Variants in GABRA3 observed in about 807,000 individuals in gnomAD.
GABRA3 encodes the protein gamma-aminobutyric acid receptor subunit alpha-3.
GABRA3 carries 10 observed loss-of-function variants against 30.1 expected under a neutral mutation model. The observed-to-expected ratio is 0.33, with a 90% CI of 0.20 to 0.56. The LOEUF (loss-of-function observed/expected upper bound fraction) is 0.56, where lower values mean the gene tolerates loss of function less well. GABRA3 is among the 20% of genes least tolerant of loss of function. GABRA3 has a pLI of 0.89. For synonymous variants in GABRA3, 151 were observed against 146.8 expected (o/e 1.03, Z -0.21); for missense variants, 233 against 392.0 (o/e 0.59, Z 3.42).
At chrX:152,260,552 T>A (rs1938712622) in intron 4 of GABRA3, among the ~76,000 whole-genome samples, 1 of 111,752 alleles carries the variant, frequency 8.9e-6, no homozygotes, top group South Asian at 3.8e-4. Context: ...AGAGACTTAA[T>A]TTGTTTGAAA....
At chrX:152,424,332 T>G (rs1346041557) in intron 1 of GABRA3, among the ~76,000 whole-genome samples, 1 of 110,000 alleles carries the variant, frequency 9.1e-6, no homozygotes, top group Non-Finnish European at 1.9e-5. Flanking sequence ...TCTCTTCACA[T>G]TGTTCACCAC....
intron 6 of GABRA3, among the ~76,000 whole-genome samples, chrX:152,217,237 ATAT>A (rs1447554048): frequency 9.0e-6 from 1 of 111,022 alleles, no homozygotes; most frequent in Non-Finnish European, 1.9e-5. Flanking sequence ...TTAATATGTC[ATAT>A]TAGGTTGAAT....
chrX:152,362,007 G>A (rs1174761255), intron 2 of GABRA3, among the ~76,000 whole-genome samples: 1 of 111,209 alleles, frequency 9.0e-6, no homozygotes. Context: ...AATACATGAG[G>A]AGTTAACAAA....
intron 6 of GABRA3, among the ~76,000 whole-genome samples, chrX:152,215,837 C>T (rs1462589034): frequency 5.4e-5 from 6 of 110,839 alleles, no homozygotes; most frequent in East Asian, 2.8e-4. Flanking sequence ...AAAATATTTT[C>T]GAAGTATACA....
intron 5 of GABRA3, among the ~76,000 whole-genome samples, chrX:152,237,268 C>T (rs1372513555): frequency 1.8e-5 from 2 of 110,382 alleles, no homozygotes; most frequent in Non-Finnish European, 3.8e-5. Flanking sequence ...TTCCCCATTT[C>T]TTGTTTTTCT....
At position 152,233,763 on chromosome X, in the gene GABRA3, A is replaced by G. The variant is rs1410126527; in HGVS notation, c.552-8918T>C. Reference sequence around the variant, plus strand: ...CATGCACACGTATGTTTATTGCGGCATTATTCACAATAGCAAAGACTTGGA... The same window carrying G: ...CATGCACACGTATGTTTATTGCGGCGTTATTCACAATAGCAAAGACTTGGA... On this transcript the variant is annotated intron_variant, in intron 5 of 9. Transcript: ENST00000370314. Among the ~76,000 whole-genome samples, 7 of 104,605 alleles carry G rather than the reference A, an allele frequency of 6.7e-5. 1 individual carries two copies. In the South Asian group the frequency reaches 3.2e-3, roughly 48 times the overall value. The allele number at this position is 104,605 out of a possible 115,157, so 90.8% of individuals were successfully genotyped here. A position where few individuals can be genotyped will look rare whatever the true frequency, so the allele number is the denominator to read the frequency against.
intron 3 of GABRA3, among the ~76,000 whole-genome samples, chrX:152,331,594 C>T (rs1172463249): frequency 3.6e-5 from 4 of 111,920 alleles, no homozygotes; most frequent in Non-Finnish European, 5.6e-5. Context: ...TAATTTCATA[C>T]CAGCCAGCTA....
intron 2 of GABRA3, among the ~76,000 whole-genome samples, chrX:152,347,149 C>A: frequency 1.8e-5 from 2 of 111,966 alleles, no homozygotes; most frequent in Admixed American, 1.9e-4. Context: ...CACTGGAGTA[C>A]TATTCAGTCA....
At chrX:152,222,923 A>C (rs1471183810) in intron 6 of GABRA3, among the ~76,000 whole-genome samples, 2 of 109,677 alleles carry the variant, frequency 1.8e-5, no homozygotes, top group African/African-American at 6.6e-5. Flanking sequence ...AACTTTTTTC[A>C]TATTAGCTTT....
At chrX:152,295,172 C>G (rs1939503747) in intron 3 of GABRA3, among the ~76,000 whole-genome samples, 1 of 112,468 alleles carries the variant, frequency 8.9e-6, no homozygotes, top group Non-Finnish European at 1.9e-5. Context: ...CTTGAGGAGG[C>G]AGTCTGTCCA....
intron 1 of GABRA3, among the ~76,000 whole-genome samples, chrX:152,371,545 A>T (rs1381434565): frequency 9.0e-6 from 1 of 110,878 alleles, no homozygotes; most frequent in African/African-American, 3.3e-5. Context: ...ATACTGGCTC[A>T]TTCCTTGCAG....
chrX:152,232,407 C>G (rs771837921), intron 5 of GABRA3, among the ~76,000 whole-genome samples: 142 of 109,426 alleles, frequency 1.3e-3, no homozygotes, highest in Non-Finnish European at 2.3e-3. Flanking sequence ...CTTCCCTCAC[C>G]CCTTCCTACT....
chrX:152,277,301 A>G (rs1045834912), intron 4 of GABRA3, among the ~76,000 whole-genome samples: 1 of 111,144 alleles, frequency 9.0e-6, no homozygotes, highest in Non-Finnish European at 1.9e-5. Flanking sequence ...TACTAGGATA[A>G]TGGCATAATT....
In GABRA3 at chrX:152,182,224, G is replaced by A. The variant is rs974128886; in HGVS notation, c.1143+7506C>T. 2.8e-5 allele frequency among the ~76,000 whole-genome samples: 3 copies of A among 106,686 alleles called. No individual in the cohort carries two copies. The South Asian group carries it at 1.2e-3, about 44-fold the overall frequency. The allele number at this position is 106,686 out of a possible 115,157, so 92.6% of individuals were successfully genotyped here. On this transcript the variant is annotated intron_variant, in intron 9 of 9. Transcript: ENST00000370314. ...TGTTGAACCATCCTTTCATCCCTGG[G>A]ATAAATCCCACTTGGTCAAGATGAG...
intron 1 of GABRA3, among the ~76,000 whole-genome samples, chrX:152,436,420 T>A (rs1322248309): frequency 8.9e-6 from 1 of 111,737 alleles, no homozygotes; most frequent in African/African-American, 3.3e-5. Flanking sequence ...TCCCTCCATT[T>A]GTGGTAACCA....
At chrX:152,241,738 G>T (rs925912957) in intron 5 of GABRA3, among the ~76,000 whole-genome samples, 1 of 109,633 alleles carries the variant, frequency 9.1e-6, no homozygotes, top group African/African-American at 3.3e-5. Flanking sequence ...TCTGAAAAGC[G>T]CAATATTCGG....
intron 3 of GABRA3, among the ~76,000 whole-genome samples, chrX:152,315,980 C>CG (rs1319885898): frequency 1.2e-5 from 1 of 85,992 alleles, no homozygotes; most frequent in East Asian, 4.1e-4. Context: ...GACCCCCCCC[C>CG]CCCCCACCAC....
intron 5 of GABRA3, among the ~76,000 whole-genome samples, chrX:152,253,984 T>G (rs756972405): frequency 3.6e-5 from 4 of 112,089 alleles, no homozygotes; most frequent in East Asian, 5.6e-4. Context: ...CTGCTCTATA[T>G]TCCAATAACT....
intron 3 of GABRA3, among the ~76,000 whole-genome samples, chrX:152,315,851 C>A (rs1022191810): frequency 1.0e-4 from 11 of 108,502 alleles, no homozygotes; most frequent in Non-Finnish European, 1.9e-4. Context: ...AAGCACCACC[C>A]AAGGAGAGTC....
Sources: gnomAD v4.1 joint callset for allele counts (sites outside exome capture counted in the v4.1 genomes callset) on GRCh38, gnomAD v4.1.1 for gene constraint, MANE v1.5 for transcripts, NCBI Gene and HGNC (gene_info 2026-07-23, HGNC 2026-07-21) for gene names.